Variants in PDE6D observed in about 807,000 individuals in gnomAD.
PDE6D encodes retinal rod rhodopsin-sensitive cGMP 3',5'-cyclic phosphodiesterase subunit delta.
PDE6D carries 10 observed loss-of-function variants against 21.9 expected under a neutral mutation model. The ratio of observed to expected loss-of-function variants is 0.46; its 90% CI spans 0.28 to 0.78. PDE6D has a LOEUF of 0.78. Among genes scored for constraint, PDE6D ranks in the 30% least tolerant of loss-of-function variants. The pLI, the probability that PDE6D is intolerant of heterozygous loss-of-function variation, is 0.12. For missense variants in PDE6D, 139 were observed against 184.8 expected, an observed-to-expected ratio of 0.75 and a Z score of 1.44; for synonymous variants, 59 against 63.5, an observed-to-expected ratio of 0.93 and a Z score of 0.34.
chr2:231,760,688 A>G (rs1179203172), intron 1 of PDE6D, among the ~76,000 whole-genome samples: 1 of 152,224 alleles, frequency 6.6e-6, no homozygotes, highest in East Asian at 1.9e-4. Context: ...CCTCTAGCAC[A>G]TGAGATTAGA....
intron 1 of PDE6D, among the ~76,000 whole-genome samples, chr2:231,743,530 A>G (rs1056521090): frequency 7.2e-5 from 11 of 152,046 alleles, no homozygotes; most frequent in Non-Finnish European, 1.3e-4. Context: ...TGTGCACTCA[A>G]CCTGCTTGTG....
intron 1 of PDE6D, among the ~76,000 whole-genome samples, chr2:231,754,564 G>T (rs1353750271): frequency 4.0e-5 from 6 of 149,788 alleles, no homozygotes; most frequent in Admixed American, 4.0e-4. Flanking sequence ...TAGAGACAGG[G>T]TTTCACAATG....
intron 4 of PDE6D, 55 bp from the exon 5 acceptor site, chr2:231,733,088 G>T: frequency 8.3e-7 from 1 of 1,199,110 alleles, no homozygotes; most frequent in Non-Finnish European, 1.2e-6. Context: ...TTAGGCACAA[G>T]ATTTCATTTC....
chr2:231,753,444 C>A (rs1052458710), intron 1 of PDE6D, among the ~76,000 whole-genome samples: 1 of 151,780 alleles, frequency 6.6e-6, no homozygotes, highest in South Asian at 2.1e-4. Flanking sequence ...CCAGCTACTC[C>A]GGAGGGTGAG....
intron 1 of PDE6D, among the ~76,000 whole-genome samples, chr2:231,765,501 A>G (rs1380844627): frequency 3.9e-5 from 6 of 152,196 alleles, no homozygotes; most frequent in Non-Finnish European, 4.4e-5. Context: ...TAAATTATAT[A>G]TGGGCATGTG....
Position 231,739,520 on chromosome 2 carries a change from A to G in PDE6D, c.51-332T>C, listed in dbSNP as rs1375598275. Among the ~76,000 whole-genome samples, 1 of 152,218 alleles carries G rather than the reference A, an allele frequency of 6.6e-6. No homozygotes were observed. The highest frequency in any genetic ancestry group is 2.4e-5 in the African/African-American group (1 of 41,454). The stretch of plus-strand genomic sequence containing the variant: ...CAAGATAAAATACCTAAAGAAACAA[A>G]TATCAGATGTACCCCAAGGAAACAA... On this transcript the variant is annotated intron_variant, in intron 1 of 4. Coordinates refer to ENST00000287600, the MANE Select transcript of PDE6D (RefSeq NM_002601.4). This position sits in a 1 kb window ranked among gnomAD's most constrained non-coding sequence, Gnocchi z 4.2.
chr2:231,749,098 A>G (rs761302127), intron 1 of PDE6D, among the ~76,000 whole-genome samples: 1 of 152,192 alleles, frequency 6.6e-6, no homozygotes, highest in Non-Finnish European at 1.5e-5. Context: ...TCCAGACCCT[A>G]GAATGGTAGA....
chr2:231,769,294 C>T (rs2048996868), intron 1 of PDE6D, among the ~76,000 whole-genome samples: 1 of 152,180 alleles, frequency 6.6e-6, no homozygotes, highest in Non-Finnish European at 1.5e-5. Context: ...TTTTCTGGTT[C>T]CTTTGTCTTT....
At chr2:231,746,983 T>C (rs1243131581) in intron 1 of PDE6D, among the ~76,000 whole-genome samples, 1 of 152,216 alleles carries the variant, frequency 6.6e-6, no homozygotes, top group Non-Finnish European at 1.5e-5. Context: ...CAAGACAGTT[T>C]GAAATTGATG....
At chr2:231,749,082 C>G (rs2048817132) in intron 1 of PDE6D, among the ~76,000 whole-genome samples, 1 of 152,206 alleles carries the variant, frequency 6.6e-6, no homozygotes, top group African/African-American at 2.4e-5. Context: ...AAGAGGTCCA[C>G]TCTCCTCCAG....
rs2106260539 is a variant in PDE6D, at chr2:231,737,295, G to A, written c.266-3C>T. 1 of 1,561,864 alleles carries A rather than the reference G, an allele frequency of 6.4e-7. No homozygotes were observed. The highest frequency in any genetic ancestry group is 8.8e-7 in the Non-Finnish European group (1 of 1,132,690). On this transcript the variant is annotated splice_polypyrimidine_tract_variant and splice_region_variant and intron_variant, in intron 3 of 4. Transcript: ENST00000287600. ...AAAGCCAAACTCGAAGAACCATTCTGAAGGAAGAAGGAAAAGCCGGGGTGA... is the reference window on the plus strand; with the variant it reads ...AAAGCCAAACTCGAAGAACCATTCTAAAGGAAGAAGGAAAAGCCGGGGTGA...
chr2:231,778,515 TAAC>T (rs982070002), intron 1 of PDE6D, among the ~76,000 whole-genome samples: 21 of 152,212 alleles, frequency 1.4e-4, no homozygotes, highest in African/African-American at 5.1e-4. Context: ...TCTCTAATAA[TAAC>T]AAGAATAACA....
At chr2:231,737,334 T>C in intron 3 of PDE6D, 42 bp from the exon 4 acceptor site, 3 of 1,089,410 alleles carry the variant, frequency 2.8e-6, no homozygotes, top group Non-Finnish European at 1.4e-6. Flanking sequence ...GGTGCCCCAG[T>C]ATAAAGTTTA....
At chr2:231,738,288 C>T in intron 2 of PDE6D, 150 bp from the exon 3 acceptor site, 1 of 787,822 alleles carries the variant, frequency 1.3e-6, no homozygotes, top group Non-Finnish European at 2.1e-6. Context: ...TTGGATAATG[C>T]CTTGGTAAGT....
At chr2:231,761,389 G>GA (rs1553559223) in intron 1 of PDE6D, among the ~76,000 whole-genome samples, 1 of 152,002 alleles carries the variant, frequency 6.6e-6, no homozygotes, top group Non-Finnish European at 1.5e-5. Context: ...TGTTAGCCAG[G>GA]ATGGTCTCAA....
intron 1 of PDE6D, among the ~76,000 whole-genome samples, chr2:231,774,972 G>A (rs1345392989): frequency 3.3e-5 from 5 of 151,496 alleles, no homozygotes; most frequent in Non-Finnish European, 5.9e-5. Flanking sequence ...GAGTGCAGTG[G>A]TGTGATCTCA....
At chr2:231,752,015 C>T (rs2048843762) in intron 1 of PDE6D, among the ~76,000 whole-genome samples, 1 of 152,148 alleles carries the variant, frequency 6.6e-6, no homozygotes, top group Admixed American at 6.5e-5. Flanking sequence ...CTCTTCTCCC[C>T]ATTTGTTTTA....
At chr2:231,755,293 CT>C (rs1443131935) in intron 1 of PDE6D, among the ~76,000 whole-genome samples, 1 of 152,122 alleles carries the variant, frequency 6.6e-6, no homozygotes, top group East Asian at 1.9e-4. Flanking sequence ...AATTACAGTG[CT>C]TTTTTTCATA....
chr2:231,779,693 A>G (rs1048830794), intron 1 of PDE6D, among the ~76,000 whole-genome samples: 1 of 152,246 alleles, frequency 6.6e-6, no homozygotes, highest in South Asian at 2.1e-4. Context: ...CTAAACCAAA[A>G]CATGAAAGTA....
Sources: allele counts gnomAD v4.1 joint callset (sites outside exome capture counted in the v4.1 genomes callset), GRCh38; gene constraint gnomAD v4.1.1; non-coding constraint Gnocchi (gnomAD v3.1); transcripts MANE v1.5; gene names NCBI Gene and HGNC (gene_info 2026-07-23, HGNC 2026-07-21).